METTL27: variants seen among roughly 807,000 people sequenced by gnomAD.
METTL27 encodes methyltransferase like 27.
METTL27 carries 29 observed loss-of-function variants against 24.5 expected under a neutral mutation model. The ratio of observed to expected loss-of-function variants is 1.18; its 90% CI spans 0.88 to 1.61. The LOEUF is 1.61. Ranked by LOEUF, METTL27 falls within the 40% of genes most tolerant of loss-of-function variation. The pLI, the probability that METTL27 is intolerant of heterozygous loss-of-function variation, is 0.00. For missense variants in METTL27, 341 were observed against 324.3 expected, an observed-to-expected ratio of 1.05 and a Z score of -0.40; for synonymous variants, 138 against 146.8, an observed-to-expected ratio of 0.94 and a Z score of 0.43.
Position 73,840,130 on chromosome 7 carries a change from TGTGGGGGGGG to T in METTL27, c.389-20_389-11del. ...ACCGCGTCGAAGGTCCCTGTGTGTGTGTGGGGGGGGGTGGGGACATGGTGTGATGCTTGGA... is the reference window on the plus strand; with the variant it reads ...ACCGCGTCGAAGGTCCCTGTGTGTGTGTGGGGACATGGTGTGATGCTTGGA... On this transcript the variant is annotated splice_polypyrimidine_tract_variant and intron_variant, in intron 4 of 5. Transcript: ENST00000297873. The T allele has an allele frequency of 1.9e-6, 2 of 1,048,044 alleles. No individual in the cohort carries two copies. The highest frequency in any genetic ancestry group is 1.3e-6 in the Non-Finnish European group (1 of 793,006). The allele number at this position is 1,048,044 out of a possible 1,614,324, so 64.9% of individuals were successfully genotyped here.
In METTL27 at chr7:73,842,069, G is replaced by A. The variant is rs782733005; in HGVS notation, c.72C>T (p.Asp24=). 1 of 1,614,098 alleles carries A rather than the reference G, an allele frequency of 6.2e-7. No individual in the cohort carries two copies. Among genetic ancestry groups the A allele is most frequent in the Non-Finnish European group, 8.5e-7 (1 of 1,179,988 alleles). ...ARVRAAHGIP[D]LAQKLHFYDR... ...CATAGAAATGGAGCTTTTGGGCCAG[G>A]TCGGGGATGCCATGCGCGGCCCTGA... The change falls in exon 2 of 6, where the codon GAC becomes GAT. Residue 24 remains aspartate, a synonymous_variant. Transcript: ENST00000297873.
In METTL27 at chr7:73,842,019, T is replaced by C. The variant is rs1554636539; in HGVS notation, c.122A>G (p.Gln41Arg). Residue 41 changes from glutamine to arginine, a missense_variant and splice_region_variant, in exon 2 of 6, where the codon CAG (glutamine) becomes CGG (arginine). By Grantham distance (43) the Gln-to-Arg change is conservative. Transcript: ENST00000297873. ...FYDRWAPDYD[Q>R]DVATLLYRAP... ...AGGCAAGGCCCCAAATGAGTTTACC[T>C]GGTCGTAGTCCGGAGCCCAGCGGTC... is the stretch of plus-strand genomic sequence containing the variant. 6.2e-7 allele frequency: 1 copy of C among 1,614,160 alleles called. No homozygotes were observed. Among genetic ancestry groups the C allele is most frequent in the Admixed American group, 1.7e-5 (1 of 60,020 alleles).
chr7:73,839,810 G>T (rs993496900), intron 5 of METTL27: 52 of 481,034 alleles, frequency 1.1e-4, no homozygotes, highest in Non-Finnish European at 1.7e-4. Context: ...AGTTGCTCCT[G>T]GTTGTCCATG....
At chr7:73,838,472 T>G (rs997798406) in intron 5 of METTL27, among the ~76,000 whole-genome samples, 1 of 152,054 alleles carries the variant, frequency 6.6e-6, no homozygotes, top group Non-Finnish European at 1.5e-5. Context: ...CCAAGTGCAC[T>G]GAGAAGGAGA....
Position 73,842,156 on chromosome 7 carries a change from C to G in METTL27, c.-4-12G>C. On this transcript the variant is annotated splice_polypyrimidine_tract_variant and intron_variant, in intron 1 of 5. Transcript: ENST00000297873. ...CCTGGGCCATGCTCCTGTGGGGACACCGTTGCCCTGTCTCGAGGTCCACCT... is the reference window on the plus strand; with the variant it reads ...CCTGGGCCATGCTCCTGTGGGGACAGCGTTGCCCTGTCTCGAGGTCCACCT... 2.5e-6 allele frequency: 4 copies of G among 1,596,760 alleles called. No homozygotes were observed. The highest frequency in any genetic ancestry group is 3.4e-6 in the Non-Finnish European group (4 of 1,173,622).
intron 5 of METTL27, among the ~76,000 whole-genome samples, chr7:73,837,228 C>G (rs2130547036): frequency 7.0e-6 from 1 of 142,230 alleles, no homozygotes; most frequent in African/African-American, 2.6e-5. Context: ...CCACTATTGT[C>G]CTATGACCCT....
chr7:73,840,919 C>T, intron 3 of METTL27, 151 bp downstream of exon 3: 1 of 1,268,146 alleles, frequency 7.9e-7, no homozygotes, highest in East Asian at 3.0e-5. Context: ...CCTCGGCCTC[C>T]CATAGTGTGA....
chr7:73,836,180 G>A (rs1788184438), intron 5 of METTL27, among the ~76,000 whole-genome samples: 1 of 136,222 alleles, frequency 7.3e-6, no homozygotes, highest in South Asian at 2.4e-4. Context: ...GAGGGAGGTA[G>A]GGGGGTCAGC....
rs781910139 is a variant in METTL27 at position 73,841,203 on chromosome 7, G to A, written c.124-5C>T. 12 of 1,558,038 alleles carry A rather than the reference G, an allele frequency of 7.7e-6. No homozygotes were observed. The highest frequency in any genetic ancestry group is 2.6e-6 in the Non-Finnish European group (3 of 1,159,028). ...GTACAGCAGGGTGGCCACATCCTGG[G>A]GAAAGAGTGCCGGGCCTACAACACC... On this transcript the variant is annotated splice_polypyrimidine_tract_variant and splice_region_variant and intron_variant, in intron 2 of 5. Transcript: ENST00000297873.
chr7:73,841,336 G>T, intron 2 of METTL27, 138 bp from the exon 3 acceptor site: 1 of 1,298,716 alleles, frequency 7.7e-7, no homozygotes, highest in Non-Finnish European at 1.0e-6. Context: ...GTGAGGGGAC[G>T]CCCAGGCATG....
In METTL27 at chr7:73,841,208, G is replaced by T; in HGVS notation, c.124-10C>A. The T allele has an allele frequency of 6.4e-7, 1 of 1,557,762 alleles. No homozygotes were observed. Among genetic ancestry groups the T allele is most frequent in the South Asian group, 1.2e-5 (1 of 81,996 alleles). On this transcript the variant is annotated splice_polypyrimidine_tract_variant and intron_variant, in intron 2 of 5. Coordinates refer to ENST00000297873, the MANE Select transcript of METTL27 (RefSeq NM_152559.3). ...GCAGGGTGGCCACATCCTGGGGAAAGAGTGCCGGGCCTACAACACCGGTGC... is the reference window on the plus strand; with the variant it reads ...GCAGGGTGGCCACATCCTGGGGAAATAGTGCCGGGCCTACAACACCGGTGC...
intron 5 of METTL27, among the ~76,000 whole-genome samples, chr7:73,837,319 A>T (rs1208965624): frequency 7.1e-6 from 1 of 140,372 alleles, no homozygotes. Context: ...AAAAAAAATA[A>T]AAAAAAATAA....
In METTL27 at chr7:73,840,128, TGTGTGGGGG is replaced by T; in HGVS notation, c.389-17_389-9del. 10 of 1,210,852 alleles carry T rather than the reference TGTGTGGGGG, an allele frequency of 8.3e-6. No homozygotes were observed. The highest frequency in any genetic ancestry group is 1.1e-5 in the Non-Finnish European group (10 of 906,572). The allele number at this position is 1,210,852 out of a possible 1,614,324, so 75.0% of individuals were successfully genotyped here. A position where few individuals can be genotyped will look rare whatever the true frequency, so the allele number is the denominator to read the frequency against. ...GCACCGCGTCGAAGGTCCCTGTGTGTGTGTGGGGGGGGGTGGGGACATGGTGTGATGCTT... is the reference window on the plus strand; with the variant it reads ...GCACCGCGTCGAAGGTCCCTGTGTGTGGGGTGGGGACATGGTGTGATGCTT... On this transcript the variant is annotated splice_polypyrimidine_tract_variant and intron_variant, in intron 4 of 5. Transcript: ENST00000297873.
At chr7:73,842,294 G>A in intron 1 of METTL27, 150 bp from the exon 2 acceptor site, 1 of 1,330,242 alleles carries the variant, frequency 7.5e-7, no homozygotes, top group Non-Finnish European at 1.0e-6. Flanking sequence ...GGGACACTGA[G>A]CGCAGAGAGG....
intron 3 of METTL27, among the ~76,000 whole-genome samples, 185 bp from the exon 4 acceptor site, chr7:73,840,734 C>T (rs949122643): frequency 3.9e-5 from 6 of 152,292 alleles, no homozygotes; most frequent in Non-Finnish European, 8.8e-5. Context: ...TCATAGCTCA[C>T]TGCAGCCTTG....
rs782229742 is a variant in METTL27 at position 73,840,054 on chromosome 7, G to C, written c.455C>G (p.Pro152Arg). 1.2e-6 allele frequency: 2 copies of C among 1,612,292 alleles called. No homozygotes were observed. Among genetic ancestry groups the C allele is most frequent in the Non-Finnish European group, 1.7e-6 (2 of 1,179,334 alleles). The stretch of plus-strand genomic sequence containing the variant: ...ACCTGGCTTGGTGACATGTAGCTCA[G>C]GTATCGCATTGCAGGGCACCTGGCC... ...SDGQVPCNAI[P>R]ELHVTKPGGL... The change falls in exon 5 of 6, where the codon CCT (proline) becomes CGT (arginine). Residue 152 changes from proline to arginine, a missense_variant. Pro to Arg is a moderately radical substitution (Grantham distance 103, BLOSUM62 -2). Transcript: ENST00000297873.
intron 4 of METTL27, 22 bp from the exon 5 acceptor site, chr7:73,840,142 TG>T: frequency 1.1e-6 from 1 of 892,116 alleles, no homozygotes; most frequent in South Asian, 1.7e-5. Flanking sequence ...TGGGGGGGGG[TG>T]GGGACATGGT....
chr7:73,835,251 C>T (rs1788135400), intron 5 of METTL27, among the ~76,000 whole-genome samples: 1 of 143,702 alleles, frequency 7.0e-6, no homozygotes, highest in South Asian at 2.4e-4. Flanking sequence ...CCCTCTCTTT[C>T]CACGGTCTCC....
chr7:73,840,623 G>A, intron 3 of METTL27, 74 bp from the exon 4 acceptor site: 1 of 1,508,890 alleles, frequency 6.6e-7, no homozygotes, highest in Non-Finnish European at 8.8e-7. Context: ...ACCTTGGCAG[G>A]GCAGTGGACT....
Sources: gnomAD v4.1 joint callset for allele counts (sites outside exome capture counted in the v4.1 genomes callset) on GRCh38, gnomAD v4.1.1 for gene constraint, MANE v1.5 for transcripts, NCBI Gene and HGNC (gene_info 2026-07-23, HGNC 2026-07-21) for gene names.